The following CELF2 variants were observed in gnomAD, a reference collection of about 807,000 sequenced individuals.
CELF2 encodes CUG triplet repeat RNA-binding protein 2.
In CELF2, 8 loss-of-function variants were observed where a neutral mutation model predicts 62.6. That is an observed-to-expected ratio of 0.13 (90% CI 0.07 to 0.23). The LOEUF (loss-of-function observed/expected upper bound fraction) is 0.23, where lower values mean the gene tolerates loss of function less well. Among genes scored for constraint, CELF2 ranks in the 10% least tolerant of loss-of-function variants. CELF2 has a pLI of 1.00. For missense variants in CELF2, 333 were observed against 671.0 expected, an observed-to-expected ratio of 0.50 and a Z score of 5.56; for synonymous variants, 258 against 250.0, an observed-to-expected ratio of 1.03 and a Z score of -0.30.
chr10:10,764,663 T>G, the CELF2 span, among the ~76,000 whole-genome samples: 2 of 152,150 alleles, frequency 1.3e-5, no homozygotes, highest in African/African-American at 4.8e-5. Context: ...AGAATCTTAA[T>G]TTCCCATTCC....
chr10:10,861,103 T>G (rs1313025281), intron 1 of CELF2, among the ~76,000 whole-genome samples: 1 of 152,132 alleles, frequency 6.6e-6, no homozygotes, highest in African/African-American at 2.4e-5. Flanking sequence ...GTTGGTTGGT[T>G]GTTTGAGACA....
At chr10:10,465,659 A>G in the CELF2 span, among the ~76,000 whole-genome samples, 1 of 152,136 alleles carries the variant, frequency 6.6e-6, no homozygotes, top group Non-Finnish European at 1.5e-5. Flanking sequence ...TTTGTCATTC[A>G]TAATCTACTT....
chr10:10,834,237 C>T (rs576118186), intron 1 of CELF2, among the ~76,000 whole-genome samples: 65 of 152,200 alleles, frequency 4.3e-4, no homozygotes, highest in Middle Eastern at 3.4e-3. Context: ...CGTGTTCTCA[C>T]GTATAAGTGG....
the CELF2 span, among the ~76,000 whole-genome samples, chr10:10,630,168 A>G: frequency 6.6e-6 from 1 of 152,116 alleles, no homozygotes; most frequent in South Asian, 2.1e-4. Flanking sequence ...CTATGATTTT[A>G]ATCAGCCCAT....
chr10:10,759,392 C>A, the CELF2 span, among the ~76,000 whole-genome samples: 1 of 148,284 alleles, frequency 6.7e-6, no homozygotes, highest in Admixed American at 6.9e-5. Flanking sequence ...TCACTGCAAC[C>A]TCTGCCTCTG....
the CELF2 span, among the ~76,000 whole-genome samples, chr10:10,543,234 G>A: frequency 6.6e-6 from 1 of 152,146 alleles, no homozygotes; most frequent in Admixed American, 6.5e-5. Flanking sequence ...CATGCCCCCA[G>A]AGTAAACTTC....
chr10:10,944,663 G>A (rs563008221), intron 2 of CELF2, among the ~76,000 whole-genome samples: 106 of 151,922 alleles, frequency 7.0e-4, no homozygotes, highest in African/African-American at 2.2e-3. Context: ...GTGCAGTGGC[G>A]TGATCTCAGC....
At chr10:11,054,190 T>C (rs1438822721) in intron 1 of CELF2, among the ~76,000 whole-genome samples, 1 of 152,228 alleles carries the variant, frequency 6.6e-6, no homozygotes, top group Non-Finnish European at 1.5e-5. Context: ...TCTACGATTA[T>C]TACTACAAAG....
intron 1 of CELF2, among the ~76,000 whole-genome samples, chr10:10,834,410 GAC>G (rs1446127476): frequency 6.6e-6 from 1 of 152,100 alleles, no homozygotes; most frequent in Non-Finnish European, 1.5e-5. Flanking sequence ...AAACCCCCAA[GAC>G]ACAAGTTTAC....
the CELF2 span, among the ~76,000 whole-genome samples, chr10:10,511,832 T>A: frequency 0.22 from 33,399 of 152,128 alleles, 4,591 homozygotes; most frequent in Non-Finnish European, 0.31. Context: ...AAGAACCATA[T>A]CAAGGCCTGC....
the CELF2 span, among the ~76,000 whole-genome samples, chr10:10,602,700 T>G: frequency 1.6e-4 from 24 of 152,248 alleles, no homozygotes; most frequent in African/African-American, 5.5e-4. Flanking sequence ...ATTATCTATT[T>G]TTTATCTACT....
chr10:10,672,465 G>T, the CELF2 span, among the ~76,000 whole-genome samples: 2 of 148,050 alleles, frequency 1.4e-5, no homozygotes, highest in South Asian at 2.1e-4. Context: ...TTCTGTGAAG[G>T]GTAGAAGGTC....
chr10:10,923,860 T>C (rs959411198), intron 2 of CELF2: 2 of 152,226 alleles, frequency 1.3e-5, no homozygotes, highest in African/African-American at 4.8e-5. Flanking sequence ...ATTTTCAATC[T>C]TATAAATGAC....
chr10:11,036,961 CTG>C (rs1392714484), intron 1 of CELF2, among the ~76,000 whole-genome samples: 3 of 152,326 alleles, frequency 2.0e-5, no homozygotes, highest in South Asian at 4.1e-4. Context: ...AGCCTCCTGA[CTG>C]TGGGCGTCTT....
At chr10:10,604,894 A>C in the CELF2 span, among the ~76,000 whole-genome samples, 1 of 152,166 alleles carries the variant, frequency 6.6e-6, no homozygotes, top group African/African-American at 2.4e-5. Flanking sequence ...AAAATGCATA[A>C]CTCTGACCCA....
chr10:10,502,444 A>G, the CELF2 span, among the ~76,000 whole-genome samples: 2 of 151,928 alleles, frequency 1.3e-5, no homozygotes, highest in Non-Finnish European at 2.9e-5. Flanking sequence ...TATTTTCTGA[A>G]TTGTTACAGA....
intron 1 of CELF2, among the ~76,000 whole-genome samples, chr10:10,805,433 TGACTCAGTTAC>T (rs1451884655): frequency 6.6e-6 from 1 of 152,258 alleles, no homozygotes; most frequent in Non-Finnish European, 1.5e-5. Flanking sequence ...TGAAGAATCA[TGACTCAGTTAC>T]GACTCAGTAC....
At chr10:10,480,446 A>G in the CELF2 span, among the ~76,000 whole-genome samples, 1 of 152,250 alleles carries the variant, frequency 6.6e-6, no homozygotes, top group East Asian at 1.9e-4. Flanking sequence ...GGCTCTCTCA[A>G]TTTGAGGGTA....
At chr10:10,596,196 T>C in the CELF2 span, among the ~76,000 whole-genome samples, 1 of 151,622 alleles carries the variant, frequency 6.6e-6, no homozygotes, top group African/African-American at 2.4e-5. Context: ...ATGAAGAGGG[T>C]TGAACTTGGT....
Sources: gnomAD v4.1 joint callset for allele counts (sites outside exome capture counted in the v4.1 genomes callset) on GRCh38, gnomAD v4.1.1 for gene constraint, MANE v1.5 for transcripts, NCBI Gene and HGNC (gene_info 2026-07-23, HGNC 2026-07-21) for gene names.